The following ARHGAP35 variants were observed in gnomAD, a reference collection of about 807,000 sequenced individuals.
ARHGAP35 encodes the protein Rho GTPase activating protein 35.
Under a neutral mutation model 111.1 loss-of-function variants are expected in ARHGAP35, and 15 were observed. The ratio of observed to expected loss-of-function variants is 0.13; its 90% CI spans 0.09 to 0.21. The LOEUF (loss-of-function observed/expected upper bound fraction) is 0.21. Among genes scored for constraint, ARHGAP35 ranks in the 10% least tolerant of loss-of-function variants. ARHGAP35 has a pLI of 1.00. For missense variants in ARHGAP35, 1,262 were observed against 1,873.0 expected, an observed-to-expected ratio of 0.67 and a Z score of 6.02; for synonymous variants, 643 against 710.3, an observed-to-expected ratio of 0.91 and a Z score of 1.51.
At position 46,920,912 on chromosome 19, in the gene ARHGAP35, T is replaced by C. The variant is rs1234449713; in HGVS notation, c.2237T>C (p.Ile746Thr). ...ASAGIGYGRN[I>T]NEKQISQVLK... Reference sequence around the variant, plus strand: ...GCTGGCATTGGTTACGGACGCAACATTAATGAAAAGCAAATCAGTCAAGTT... The same window carrying C: ...GCTGGCATTGGTTACGGACGCAACACTAATGAAAAGCAAATCAGTCAAGTT... The change falls in exon 2 of 7, where the codon ATT (isoleucine) becomes ACT (threonine). Residue 746 changes from isoleucine (I) to threonine (T), a missense_variant. Physicochemically the swap from Ile to Thr is moderately conservative, Grantham distance 89 (BLOSUM62 -1). Transcript: ENST00000672722. The surrounding 1 kb of genome is among the most constrained non-coding windows in gnomAD (Gnocchi z 7.0). The C allele has an allele frequency of 6.2e-6, 10 of 1,613,758 alleles. No homozygotes were observed. The highest frequency in any genetic ancestry group is 8.5e-6 in the Non-Finnish European group (10 of 1,179,804).
intron 3 of ARHGAP35, among the ~76,000 whole-genome samples, chr19:46,939,627 C>T (rs995483917): frequency 2.0e-5 from 3 of 149,906 alleles, no homozygotes; most frequent in African/African-American, 4.9e-5. Flanking sequence ...TGGCCAGGCT[C>T]GTCTCAAACT....
chr19:46,961,443 TG>T, intron 3 of ARHGAP35, among the ~76,000 whole-genome samples: 1 of 152,186 alleles, frequency 6.6e-6, no homozygotes, highest in East Asian at 1.9e-4. Flanking sequence ...CTCCATCAGC[TG>T]TATATTAGGG....
intron 3 of ARHGAP35, among the ~76,000 whole-genome samples, chr19:46,949,744 A>G (rs553543358): frequency 6.6e-6 from 1 of 152,336 alleles, no homozygotes; most frequent in South Asian, 2.1e-4. Context: ...GGGAATTAAA[A>G]TAACAACTCT....
In ARHGAP35 at chr19:46,926,042, A is replaced by T. The variant is rs756402771; in HGVS notation, c.3681+3686A>T. The stretch of plus-strand genomic sequence containing the variant: ...ATCCGTCCCGTCTTTTGGAAGTTTT[A>T]ACCTCATGCATTACTGAGCTGCTTT... On this transcript the variant is annotated intron_variant, in intron 2 of 6. Coordinates refer to ENST00000672722, the MANE Select transcript of ARHGAP35 (RefSeq NM_004491.5). The surrounding 1 kb of genome is among the most constrained non-coding windows in gnomAD (Gnocchi z 4.1). Among the ~76,000 whole-genome samples, 6 of 152,158 alleles carry T rather than the reference A, an allele frequency of 3.9e-5. No individual in the cohort carries two copies. The highest frequency in any genetic ancestry group is 8.8e-5 in the Non-Finnish European group (6 of 68,026).
At chr19:46,978,492 TGTGTGTGGTGGTGGC>T (rs2056591262) in intron 3 of ARHGAP35, among the ~76,000 whole-genome samples, 1 of 149,156 alleles carries the variant, frequency 6.7e-6, no homozygotes, top group South Asian at 2.2e-4. Context: ...AGGATATGTG[TGTGTGTGGTGGTGGC>T]GTGTGTGATG....
At chr19:46,966,824 A>T (rs2056517461) in intron 3 of ARHGAP35, among the ~76,000 whole-genome samples, 1 of 152,210 alleles carries the variant, frequency 6.6e-6, no homozygotes, top group East Asian at 1.9e-4. Context: ...CACATCAAAG[A>T]GAAAATTAAT....
intron 3 of ARHGAP35, among the ~76,000 whole-genome samples, chr19:46,940,074 AAAATACAAAAAATTAGGCC>A (rs1326051834): frequency 4.0e-5 from 6 of 151,884 alleles, no homozygotes; most frequent in African/African-American, 1.5e-4. Flanking sequence ...GTCTCTACTA[AAAATACAAAAAATTAGGCC>A]GGGGCGGTGG....
At chr19:46,879,058 C>T (rs2055942681) in intron 1 of ARHGAP35, among the ~76,000 whole-genome samples, 1 of 152,176 alleles carries the variant, frequency 6.6e-6, no homozygotes, top group Admixed American at 6.6e-5. Context: ...TCCTCTGAAA[C>T]CCTGCTGCTA....
At chr19:46,890,465 A>C (rs2056018345) in intron 1 of ARHGAP35, among the ~76,000 whole-genome samples, 1 of 152,222 alleles carries the variant, frequency 6.6e-6, no homozygotes, top group African/African-American at 2.4e-5. Context: ...TGGCCCTTAG[A>C]GGCTTTTAGT....
rs1234210010 is a variant in ARHGAP35 at position 47,000,005 on chromosome 19, T to C, written c.4143-326T>C. On this transcript the variant is annotated intron_variant, in intron 6 of 6. Transcript: ENST00000672722. The surrounding 1 kb of genome is among the most constrained non-coding windows in gnomAD (Gnocchi z 6.9). ...GCGCTCTGGCTTAGGACACTCAGCC[T>C]CCCTCCCTCGTCACAGCCGGAGCAC... Among the ~76,000 whole-genome samples, 2 of 152,162 alleles carry C rather than the reference T, an allele frequency of 1.3e-5. No homozygotes were observed. Among genetic ancestry groups the C allele is most frequent in the African/African-American group, 2.4e-5 (1 of 41,444 alleles).
At chr19:46,990,134 ATG>A (rs1394045019) in intron 5 of ARHGAP35, among the ~76,000 whole-genome samples, 1 of 152,172 alleles carries the variant, frequency 6.6e-6, no homozygotes, top group Non-Finnish European at 1.5e-5. Flanking sequence ...CTCTCATGTA[ATG>A]AAGTTAACAT....
Position 46,945,067 on chromosome 19 carries a change from G to A in ARHGAP35, c.3826+7659G>A, listed in dbSNP as rs921100101. ...TGCTTGCTGTGCTAATAGGATATTC[G>A]ACTTTCACTCTCTCAGCTCCGGTTA... On this transcript the variant is annotated intron_variant, in intron 3 of 6. Coordinates refer to ENST00000672722, the MANE Select transcript of ARHGAP35 (RefSeq NM_004491.5). The surrounding 1 kb of genome is among the most constrained non-coding windows in gnomAD (Gnocchi z 4.1). Among the ~76,000 whole-genome samples, 1 of 152,108 alleles carries A rather than the reference G, an allele frequency of 6.6e-6. No individual in the cohort carries two copies. The highest frequency in any genetic ancestry group is 1.5e-5 in the Non-Finnish European group (1 of 68,038).
rs765468992 is a variant in ARHGAP35, at chr19:46,966,470, G to A, written c.3827-21519G>A. 5.3e-4 allele frequency among the ~76,000 whole-genome samples: 80 copies of A among 152,294 alleles called. 1 individual carries two copies. The Middle Eastern group carries it at 0.02, about 39-fold the overall frequency. ...AGACTGAGGCAGGAGAATCACTTGA[G>A]CGTGGGAGGTTGAAGCCATGGTGAG... is the stretch of plus-strand genomic sequence containing the variant. On this transcript the variant is annotated intron_variant, in intron 3 of 6. Coordinates refer to ENST00000672722, the MANE Select transcript of ARHGAP35 (RefSeq NM_004491.5).
chr19:46,862,354 G>A (rs937245923), intron 1 of ARHGAP35, among the ~76,000 whole-genome samples: 1 of 152,074 alleles, frequency 6.6e-6, no homozygotes, highest in African/African-American at 2.4e-5. Flanking sequence ...CTGAGCTACT[G>A]CATTCATTTG....
At position 46,920,756 on chromosome 19, in the gene ARHGAP35, T is replaced by C. The variant is rs1427973140; in HGVS notation, c.2081T>C (p.Val694Ala). ...CTGGGCCGGCGGGATAATCATTTAGTCCATCTCCCCCTTACATTAATTTTG... is the reference window on the plus strand; with the variant it reads ...CTGGGCCGGCGGGATAATCATTTAGCCCATCTCCCCCTTACATTAATTTTG... ...STLGRRDNHL[V>A]HLPLTLILVN... The change falls in exon 2 of 7, where the codon GTC becomes GCC. Residue 694 changes from valine (V) to alanine (A), a missense_variant. This residue lies in a region of ARHGAP35 where 579 missense variants were observed against 716.9 expected (regional missense o/e 0.81). Transcript: ENST00000672722. The surrounding 1 kb of genome is among the most constrained non-coding windows in gnomAD (Gnocchi z 7.0). 3 of 1,610,600 alleles carry C rather than the reference T, an allele frequency of 1.9e-6. No homozygotes were observed. Among genetic ancestry groups the C allele is most frequent in the South Asian group, 2.2e-5 (2 of 90,710 alleles).
intron 3 of ARHGAP35, among the ~76,000 whole-genome samples, chr19:46,939,139 CT>C (rs577332636): frequency 2.0e-4 from 30 of 149,052 alleles, no homozygotes; most frequent in African/African-American, 4.7e-4. Flanking sequence ...CATTGTCCAT[CT>C]TTTTTTTTTC....
chr19:46,982,426 G>A (rs919795262), intron 3 of ARHGAP35, among the ~76,000 whole-genome samples: 10 of 151,182 alleles, frequency 6.6e-5, no homozygotes, highest in African/African-American at 9.7e-5. Flanking sequence ...GCAGTGAGCC[G>A]AGATTGAGCC....
intron 3 of ARHGAP35, among the ~76,000 whole-genome samples, chr19:46,975,045 T>G (rs539581616): frequency 3.3e-5 from 5 of 152,276 alleles, no homozygotes; most frequent in African/African-American, 1.2e-4. Context: ...TAATTTTTTG[T>G]ATTTTTAGTA....
chr19:46,897,705 A>G (rs1321645957), intron 1 of ARHGAP35, among the ~76,000 whole-genome samples: 2 of 151,538 alleles, frequency 1.3e-5, no homozygotes, highest in East Asian at 3.9e-4. Flanking sequence ...CAAAAAAAAA[A>G]AAAAAGAGGC....
Sources: gnomAD v4.1 joint callset for allele counts (sites outside exome capture counted in the v4.1 genomes callset) on GRCh38, gnomAD v4.1.1 for gene constraint, gnomAD v4.1.1 regional missense constraint, Gnocchi (gnomAD v3.1) non-coding constraint, MANE v1.5 for transcripts, NCBI Gene and HGNC (gene_info 2026-07-23, HGNC 2026-07-21) for gene names.